Variants in CDH9 observed in about 807,000 individuals in gnomAD.
CDH9 encodes the protein cadherin-9.
In CDH9, 28 loss-of-function variants were observed where a neutral mutation model predicts 70.9. That is an observed-to-expected ratio of 0.40 (90% CI 0.29 to 0.54). The LOEUF is 0.54. Ranked by LOEUF, CDH9 falls within the 20% of genes least tolerant of loss-of-function variation. The probability of loss-of-function intolerance (pLI) is 0.59; values close to 1 mark genes in which losing one functional copy is unlikely to be tolerated. For synonymous variants in CDH9, 409 were observed against 343.1 expected (o/e 1.19, Z -2.12); for missense variants, 874 against 984.4 (o/e 0.89, Z 1.50).
At chr5:26,906,390 T>C (rs537211712) in intron 4 of CDH9, among the ~76,000 whole-genome samples, 27 of 152,282 alleles carry the variant, frequency 1.8e-4, no homozygotes, top group Admixed American at 4.6e-4. Flanking sequence ...CAAAAATCTT[T>C]AGACATATAC....
At chr5:26,902,838 T>G in intron 6 of CDH9, 109 bp from the exon 7 acceptor site, 1 of 627,126 alleles carries the variant, frequency 1.6e-6, no homozygotes, top group South Asian at 2.0e-5. Context: ...ACAATTCTAT[T>G]TAAATGACAA....
At chr5:26,966,370 G>A (rs926766241) in intron 2 of CDH9, among the ~76,000 whole-genome samples, 3 of 152,054 alleles carry the variant, frequency 2.0e-5, no homozygotes, top group African/African-American at 4.8e-5. Flanking sequence ...TGCAAATCTC[G>A]GCCTCAACAT....
intron 1 of CDH9, among the ~76,000 whole-genome samples, chr5:27,002,671 C>G (rs1742791444): frequency 6.6e-6 from 1 of 151,556 alleles, no homozygotes. Flanking sequence ...AACGCAAGGA[C>G]AAAAAACCAA....
In CDH9 at chr5:26,987,919, T is replaced by C. The variant is rs111462868; in HGVS notation, c.228+187A>G. ...TAGTAGTTTACGCTTATTATTGACA[T>C]TGATTTACATTTAGAACCCAAATAT... On this transcript the variant is annotated intron_variant, in intron 2 of 11. Coordinates refer to ENST00000231021, the MANE Select transcript of CDH9 (RefSeq NM_016279.4). Among the ~76,000 whole-genome samples the C allele has an allele frequency of 7.3e-3, 1,115 of 152,212 alleles. 19 individuals are homozygous for C. Among genetic ancestry groups the C allele is most frequent in the African/African-American group, 0.025 (1,060 of 41,574 alleles).
At position 26,960,268 on chromosome 5, in the gene CDH9, T is replaced by C. The variant is rs375706966; in HGVS notation, c.228+27838A>G. Among the ~76,000 whole-genome samples the C allele has an allele frequency of 1.5e-4, 23 of 152,146 alleles. 1 individual carries two copies. The East Asian group carries it at 4.4e-3, about 29-fold the overall frequency. On this transcript the variant is annotated intron_variant, in intron 2 of 11. Transcript: ENST00000231021. ...TGCTGGTCATGTTCTAAGGATACATTATTTTTAAACTTCAATTCCATAATC... is the reference window on the plus strand; with the variant it reads ...TGCTGGTCATGTTCTAAGGATACATCATTTTTAAACTTCAATTCCATAATC...
At chr5:26,885,184 GT>G (rs1740542840) in intron 11 of CDH9, among the ~76,000 whole-genome samples, 1 of 152,100 alleles carries the variant, frequency 6.6e-6, no homozygotes, top group African/African-American at 2.4e-5. Context: ...GAACTCTATG[GT>G]AGAGTAATCT....
intron 2 of CDH9, among the ~76,000 whole-genome samples, chr5:26,937,137 G>A (rs1277121705): frequency 6.6e-6 from 1 of 152,068 alleles, no homozygotes; most frequent in Non-Finnish European, 1.5e-5. Flanking sequence ...AAACACACAT[G>A]TGGCAAAAGA....
intron 2 of CDH9, among the ~76,000 whole-genome samples, chr5:26,933,633 G>T (rs1254743524): frequency 1.3e-5 from 2 of 151,876 alleles, no homozygotes; most frequent in African/African-American, 4.8e-5. Context: ...AATTAGCTGG[G>T]CGTGGTGGCG....
intron 2 of CDH9, among the ~76,000 whole-genome samples, chr5:26,949,144 G>T (rs1366949016): frequency 2.0e-5 from 3 of 152,128 alleles, no homozygotes. Flanking sequence ...GACTCATATT[G>T]AAATGAGGCA....
chr5:26,982,068 T>A (rs563355720), intron 2 of CDH9, among the ~76,000 whole-genome samples: 25 of 152,164 alleles, frequency 1.6e-4, no homozygotes, highest in Middle Eastern at 3.4e-3. Flanking sequence ...GTCTCGTCCT[T>A]CCTGATGAGT....
At chr5:26,920,528 T>G (rs1741225732) in intron 2 of CDH9, among the ~76,000 whole-genome samples, 1 of 152,154 alleles carries the variant, frequency 6.6e-6, no homozygotes, top group South Asian at 2.1e-4. Flanking sequence ...ACACAGACGG[T>G]AGCCAAGCAG....
chr5:26,919,815 G>A (rs1355665276), intron 2 of CDH9, among the ~76,000 whole-genome samples: 6 of 152,090 alleles, frequency 3.9e-5, no homozygotes, highest in Non-Finnish European at 1.5e-5. Context: ...ATCCTTAAGG[G>A]AAGAATCCAA....
At chr5:26,941,169 G>A (rs967574622) in intron 2 of CDH9, among the ~76,000 whole-genome samples, 1 of 152,172 alleles carries the variant, frequency 6.6e-6, no homozygotes, top group African/African-American at 2.4e-5. Flanking sequence ...GATTGTCAGG[G>A]AGTGACTCTT....
At chr5:27,000,619 T>C (rs923367397) in intron 1 of CDH9, among the ~76,000 whole-genome samples, 2 of 152,154 alleles carry the variant, frequency 1.3e-5, no homozygotes, top group African/African-American at 4.8e-5. Context: ...CTTACATATA[T>C]ACTTGATTGA....
At chr5:27,015,374 G>C (rs1180560774) in intron 1 of CDH9, among the ~76,000 whole-genome samples, 1 of 151,600 alleles carries the variant, frequency 6.6e-6, no homozygotes, top group East Asian at 1.9e-4. Context: ...CTTAAAATCA[G>C]GCTTTATTGA....
At chr5:27,032,999 G>A (rs552300050) in intron 1 of CDH9, among the ~76,000 whole-genome samples, 2 of 151,096 alleles carry the variant, frequency 1.3e-5, no homozygotes, top group South Asian at 4.2e-4. Context: ...CACTGTAAAT[G>A]TGGGTAAAAA....
intron 1 of CDH9, among the ~76,000 whole-genome samples, chr5:27,007,564 G>A (rs908620327): frequency 6.6e-6 from 1 of 151,892 alleles, no homozygotes; most frequent in Non-Finnish European, 1.5e-5. Flanking sequence ...CTTTTTGTCA[G>A]CCTGGTGACA....
chr5:26,935,497 C>T (rs1741543341), intron 2 of CDH9, among the ~76,000 whole-genome samples: 1 of 151,926 alleles, frequency 6.6e-6, no homozygotes, highest in Non-Finnish European at 1.5e-5. Flanking sequence ...CTCAAAGTAT[C>T]CAAAAAAACA....
chr5:26,905,331 A>T (rs188240256), intron 5 of CDH9, among the ~76,000 whole-genome samples: 32 of 152,218 alleles, frequency 2.1e-4, no homozygotes, highest in Admixed American at 4.6e-4. Context: ...TGTAATCTTC[A>T]TAACTTAGTA....
Sources: allele counts gnomAD v4.1 joint callset (sites outside exome capture counted in the v4.1 genomes callset), GRCh38; gene constraint gnomAD v4.1.1; transcripts MANE v1.5; gene names NCBI Gene and HGNC (gene_info 2026-07-23, HGNC 2026-07-21).